Variants in STAG1 observed in about 807,000 individuals in gnomAD.
STAG1 encodes cohesin subunit SA-1.
STAG1 carries 26 observed loss-of-function variants against 170.9 expected under a neutral mutation model. That is an observed-to-expected ratio of 0.15 (90% CI 0.11 to 0.21). The LOEUF is 0.21. Ranked by LOEUF, STAG1 falls within the 10% of genes least tolerant of loss-of-function variation. The pLI is 1.00. For synonymous variants in STAG1, 514 were observed against 497.7 expected (o/e 1.03, Z -0.44); for missense variants, 964 against 1,509.5 (o/e 0.64, Z 5.99).
chr3:136,583,770 T>A (rs116255900), intron 4 of STAG1, among the ~76,000 whole-genome samples: 1 of 151,970 alleles, frequency 6.6e-6, no homozygotes, highest in African/African-American at 2.4e-5. Context: ...GCCTGAGCAA[T>A]AGAATGAGAC....
At chr3:136,434,115 G>A (rs942262464) in intron 15 of STAG1, among the ~76,000 whole-genome samples, 8 of 151,866 alleles carry the variant, frequency 5.3e-5, no homozygotes, top group Non-Finnish European at 8.8e-5. Flanking sequence ...TCTACTTATG[G>A]TCATTCAAAT....
chr3:136,539,095 T>C (rs531833826), intron 6 of STAG1, among the ~76,000 whole-genome samples: 6 of 151,796 alleles, frequency 4.0e-5, no homozygotes, highest in African/African-American at 1.2e-4. Context: ...GATTGCATCA[T>C]TGCACTCTAG....
Position 136,683,867 on chromosome 3 carries a change from A to G in STAG1, c.-83-52886T>C, listed in dbSNP as rs1438936718. ...TAGCAAAGTTAATATACAAAAGCCA[A>G]TCGCTTTCCTATATGCCAGGAATGA... On this transcript the variant is annotated intron_variant, in intron 1 of 33. Coordinates refer to ENST00000383202, the MANE Select transcript of STAG1 (RefSeq NM_005862.3). Among the ~76,000 whole-genome samples, 3 of 152,194 alleles carry G rather than the reference A, an allele frequency of 2.0e-5. No homozygotes were observed. In the East Asian group the frequency reaches 5.8e-4, roughly 29 times the overall value.
At chr3:136,610,512 T>C (rs1278467222) in intron 3 of STAG1, among the ~76,000 whole-genome samples, 1 of 152,218 alleles carries the variant, frequency 6.6e-6, no homozygotes, top group African/African-American at 2.4e-5. Context: ...TATATGCTTT[T>C]AACTGAATTG....
chr3:136,422,920 G>T, intron 17 of STAG1, 32 bp downstream of exon 17: 1 of 1,587,108 alleles, frequency 6.3e-7, no homozygotes, highest in Non-Finnish European at 8.6e-7. Context: ...AGCAAACTCA[G>T]TGACATAACA....
chr3:136,448,562 T>G (rs1485368514), intron 14 of STAG1, among the ~76,000 whole-genome samples: 1 of 152,192 alleles, frequency 6.6e-6, no homozygotes, highest in Admixed American at 6.5e-5. Context: ...GGTCCCACCC[T>G]TGACACATGG....
chr3:136,652,965 G>C (rs1017448051), intron 1 of STAG1, among the ~76,000 whole-genome samples: 1 of 152,066 alleles, frequency 6.6e-6, no homozygotes, highest in Non-Finnish European at 1.5e-5. Flanking sequence ...ATAAGGGTGG[G>C]AGACACTGCC....
At chr3:136,637,577 A>G (rs1339270565) in intron 1 of STAG1, among the ~76,000 whole-genome samples, 1 of 152,196 alleles carries the variant, frequency 6.6e-6, no homozygotes, top group Non-Finnish European at 1.5e-5. Flanking sequence ...GAAATGTAAG[A>G]GTAATTTAAG....
chr3:136,457,840 A>G (rs1340572468), intron 13 of STAG1, among the ~76,000 whole-genome samples: 4 of 152,174 alleles, frequency 2.6e-5, no homozygotes, highest in African/African-American at 9.7e-5. Context: ...TCATGCCTGT[A>G]ATCTCCAAAC....
intron 9 of STAG1, among the ~76,000 whole-genome samples, chr3:136,498,233 T>TATATATATATATACACACAC: frequency 1.7e-5 from 1 of 57,512 alleles, no homozygotes. Context: ...TATATATATA[T>TATATATATATATACACACAC]ACACATACAT....
chr3:136,748,021 C>T (rs1244923843), intron 1 of STAG1, among the ~76,000 whole-genome samples: 1 of 151,596 alleles, frequency 6.6e-6, no homozygotes, highest in Non-Finnish European at 1.5e-5. Flanking sequence ...GTGATCCACC[C>T]ACCTTGGCCT....
At chr3:136,580,451 T>C (rs987601644) in intron 4 of STAG1, among the ~76,000 whole-genome samples, 2 of 151,060 alleles carry the variant, frequency 1.3e-5, no homozygotes, top group Non-Finnish European at 2.9e-5. Flanking sequence ...TATTATATGG[T>C]AAAAGGCTGA....
intron 1 of STAG1, among the ~76,000 whole-genome samples, chr3:136,693,742 T>A (rs1462121528): frequency 6.6e-6 from 1 of 152,066 alleles, no homozygotes; most frequent in African/African-American, 2.4e-5. Context: ...CTAATTATTT[T>A]TTTTTTTTTA....
intron 4 of STAG1, among the ~76,000 whole-genome samples, chr3:136,585,582 G>A (rs1192833288): frequency 2.0e-5 from 3 of 151,520 alleles, no homozygotes; most frequent in Admixed American, 1.3e-4. Flanking sequence ...GGGTGACAGA[G>A]TGAGACTCAA....
At chr3:136,548,521 G>C (rs1344484448) in intron 5 of STAG1, among the ~76,000 whole-genome samples, 2 of 152,094 alleles carry the variant, frequency 1.3e-5, no homozygotes, top group African/African-American at 2.4e-5. Context: ...AGGGTTCTCT[G>C]TGATTCCATA....
At chr3:136,649,590 A>G in intron 1 of STAG1, among the ~76,000 whole-genome samples, 1 of 150,468 alleles carries the variant, frequency 6.6e-6, no homozygotes, top group Non-Finnish European at 1.5e-5. Flanking sequence ...CAGAAAAATG[A>G]GTAACTTTTG....
chr3:136,479,154 G>A (rs1437392325), intron 9 of STAG1, among the ~76,000 whole-genome samples: 1 of 143,078 alleles, frequency 7.0e-6, no homozygotes, highest in African/African-American at 2.6e-5. Flanking sequence ...GTATACATGT[G>A]CCATGCTGGT....
chr3:136,338,200 T>C lies in STAG1; in HGVS notation c.*54A>G, dbSNP rs1400266306. The C allele has an allele frequency of 8.8e-6, 11 of 1,250,718 alleles. No individual in the cohort carries two copies. The highest frequency in any genetic ancestry group is 5.3e-5 in the Admixed American group (3 of 56,992). The allele number at this position is 1,250,718 out of a possible 1,614,324, so 77.5% of individuals were successfully genotyped here. ...TCCCCATACAAGCTATCACAGTATA[T>C]AGGCCTCTAGCTCTAAATAATAGAG... On this transcript the variant is annotated 3_prime_UTR_variant, in exon 34 of 34. Coordinates refer to ENST00000383202, the MANE Select transcript of STAG1 (RefSeq NM_005862.3).
At chr3:136,690,056 C>CAAAAAAAAAAAAAA (rs57082567) in intron 1 of STAG1, among the ~76,000 whole-genome samples, 116 of 56,224 alleles carry the variant, frequency 2.1e-3, no homozygotes, top group Non-Finnish European at 2.4e-3. Context: ...AAAAGCAAAC[C>CAAAAAAAAAAAAAA]AAAAAAAAAA....
Sources: allele counts gnomAD v4.1 joint callset (sites outside exome capture counted in the v4.1 genomes callset), GRCh38; gene constraint gnomAD v4.1.1; transcripts MANE v1.5; gene names NCBI Gene and HGNC (gene_info 2026-07-23, HGNC 2026-07-21).